The following HDAC9 variants were observed in gnomAD, a reference collection of about 807,000 sequenced individuals.
The protein encoded by HDAC9 is MEF-2 interacting transcription repressor (MITR) protein.
In HDAC9, 41 loss-of-function variants were observed where a neutral mutation model predicts 139.4. The observed-to-expected ratio is 0.29, with a 90% CI of 0.23 to 0.38. The LOEUF is 0.38. Ranked by LOEUF, HDAC9 falls within the 10% of genes least tolerant of loss-of-function variation. The pLI, the probability that HDAC9 is intolerant of heterozygous loss-of-function variation, is 1.00. For missense variants in HDAC9, 1,147 were observed against 1,297.0 expected, an observed-to-expected ratio of 0.88 and a Z score of 1.78; for synonymous variants, 517 against 476.2, an observed-to-expected ratio of 1.09 and a Z score of -1.12.
intron 24 of HDAC9, among the ~76,000 whole-genome samples, chr7:18,958,872 TC>T (rs1783340137): frequency 6.6e-6 from 1 of 152,166 alleles, no homozygotes; most frequent in Non-Finnish European, 1.5e-5. Flanking sequence ...ATGAGTCATT[TC>T]TAAGTTAGGA....
intron 13 of HDAC9, among the ~76,000 whole-genome samples, chr7:18,738,779 T>C (rs1332763042): frequency 1.3e-5 from 2 of 152,234 alleles, no homozygotes; most frequent in Non-Finnish European, 2.9e-5. Context: ...TGGTGTTCTC[T>C]GTACTTCCTG....
At chr7:18,926,215 G>A (rs1024323917) in intron 22 of HDAC9, among the ~76,000 whole-genome samples, 1 of 152,190 alleles carries the variant, frequency 6.6e-6, no homozygotes, top group Admixed American at 6.5e-5. Flanking sequence ...GTAGGGTGTG[G>A]TAGTGGGATG....
intron 2 of HDAC9, among the ~76,000 whole-genome samples, chr7:18,190,513 A>G (rs1183933155): frequency 6.6e-6 from 1 of 152,174 alleles, no homozygotes; most frequent in Non-Finnish European, 1.5e-5. Flanking sequence ...TAAGTCAAAA[A>G]ATTGTAATTA....
At chr7:18,507,009 G>GAGCA (rs1799971280) in intron 2 of HDAC9, among the ~76,000 whole-genome samples, 1 of 151,826 alleles carries the variant, frequency 6.6e-6, no homozygotes, top group African/African-American at 2.4e-5. Flanking sequence ...TCTAAAATTA[G>GAGCA]AATTGTGTTT....
intron 1 of HDAC9, among the ~76,000 whole-genome samples, chr7:18,447,612 T>C (rs569008127): frequency 6.6e-6 from 1 of 152,354 alleles, no homozygotes; most frequent in Non-Finnish European, 1.5e-5. Flanking sequence ...AAAGTTGAGA[T>C]TATTTTCACC....
chr7:18,859,342 T>G (rs1398882065), intron 21 of HDAC9, among the ~76,000 whole-genome samples: 1 of 152,114 alleles, frequency 6.6e-6, no homozygotes, highest in Non-Finnish European at 1.5e-5. Flanking sequence ...TCCTGTTATT[T>G]TAGCTATGAA....
At chr7:18,623,328 T>G (rs1309355475) in intron 6 of HDAC9, among the ~76,000 whole-genome samples, 1 of 152,074 alleles carries the variant, frequency 6.6e-6, no homozygotes, top group Admixed American at 6.5e-5. Flanking sequence ...GTACACTGAG[T>G]CAAAGTTCAG....
At chr7:18,822,847 T>C (rs1287221903) in intron 17 of HDAC9, among the ~76,000 whole-genome samples, 2 of 152,220 alleles carry the variant, frequency 1.3e-5, no homozygotes, top group Non-Finnish European at 2.9e-5. Context: ...GATAATAATA[T>C]TATCTGCCTA....
chr7:18,602,935 C>T (rs974106419), intron 6 of HDAC9, among the ~76,000 whole-genome samples: 1 of 151,996 alleles, frequency 6.6e-6, no homozygotes, highest in Admixed American at 6.6e-5. Flanking sequence ...TCTATTTGTC[C>T]TTCCAGTTCT....
chr7:18,676,388 C>A (rs141918081), intron 12 of HDAC9, among the ~76,000 whole-genome samples: 1 of 150,824 alleles, frequency 6.6e-6, no homozygotes, highest in Non-Finnish European at 1.5e-5. Flanking sequence ...GCTCAAAGAA[C>A]TTAGAATGGG....
At chr7:18,879,280 G>C (rs1799548685) in intron 22 of HDAC9, among the ~76,000 whole-genome samples, 1 of 152,052 alleles carries the variant, frequency 6.6e-6, no homozygotes, top group Non-Finnish European at 1.5e-5. Context: ...AACTACCAAT[G>C]ACATTCTTCA....
intron 22 of HDAC9, among the ~76,000 whole-genome samples, chr7:18,884,966 T>C (rs1800022920): frequency 6.6e-6 from 1 of 152,228 alleles, no homozygotes; most frequent in African/African-American, 2.4e-5. Flanking sequence ...TTCTGTATAC[T>C]GATATTCTTC....
intron 1 of HDAC9, among the ~76,000 whole-genome samples, chr7:18,107,668 A>G (rs1396296521): frequency 6.6e-6 from 1 of 152,194 alleles, no homozygotes; most frequent in Non-Finnish European, 1.5e-5. Context: ...GTGGATTTTA[A>G]ACTGACACCT....
intron 1 of HDAC9, among the ~76,000 whole-genome samples, chr7:18,159,505 A>T (rs995143036): frequency 2.0e-5 from 3 of 152,204 alleles, no homozygotes; most frequent in African/African-American, 7.2e-5. Context: ...ATAAAATTAT[A>T]TATCAATTTT....
intron 22 of HDAC9, among the ~76,000 whole-genome samples, chr7:18,903,493 C>G (rs1801919838): frequency 6.6e-6 from 1 of 152,214 alleles, no homozygotes; most frequent in Non-Finnish European, 1.5e-5. Flanking sequence ...GGAATTTCCT[C>G]TCTTCCACAT....
intron 1 of HDAC9, among the ~76,000 whole-genome samples, chr7:18,434,276 A>C (rs755813898): frequency 6.6e-6 from 1 of 152,246 alleles, no homozygotes; most frequent in Non-Finnish European, 1.5e-5. Flanking sequence ...AGATGGATTA[A>C]AGACTTAAGT....
At chr7:18,801,159 A>G (rs1425964456) in intron 17 of HDAC9, among the ~76,000 whole-genome samples, 1 of 152,060 alleles carries the variant, frequency 6.6e-6, no homozygotes, top group Non-Finnish European at 1.5e-5. Flanking sequence ...GCTGAAGACA[A>G]TTGAACATGG....
chr7:18,582,379 A>C (rs1269403953), intron 2 of HDAC9, among the ~76,000 whole-genome samples: 2 of 152,158 alleles, frequency 1.3e-5, no homozygotes, highest in Non-Finnish European at 2.9e-5. Context: ...ATGATTTAAA[A>C]ACCGTGGTAG....
chr7:18,496,199 G>C (rs953818047), intron 1 of HDAC9, 63 bp from the exon 2 acceptor site: 32 of 1,558,894 alleles, frequency 2.1e-5, no homozygotes, highest in Non-Finnish European at 2.7e-5. Flanking sequence ...TCATGTAGCT[G>C]AAGTAAGAGT....
Sources: gnomAD v4.1 joint callset for allele counts (sites outside exome capture counted in the v4.1 genomes callset) on GRCh38, gnomAD v4.1.1 for gene constraint, MANE v1.5 for transcripts, NCBI Gene and HGNC (gene_info 2026-07-23, HGNC 2026-07-21) for gene names.